Variants in SSC5D observed in about 807,000 individuals in gnomAD.
SSC5D encodes the protein soluble scavenger receptor cysteine-rich domain-containing protein SSC5D.
Under a neutral mutation model 104.6 loss-of-function variants are expected in SSC5D, and 106 were observed. That is an observed-to-expected ratio of 1.01 (90% CI 0.87 to 1.19). SSC5D has a LOEUF of 1.19. Ranked by LOEUF, SSC5D falls within the 50% of genes most tolerant of loss-of-function variation. The pLI is 0.00. For missense variants in SSC5D, 1,993 were observed against 2,153.8 expected, an observed-to-expected ratio of 0.93 and a Z score of 1.48; for synonymous variants, 860 against 883.5, an observed-to-expected ratio of 0.97 and a Z score of 0.47.
At position 55,517,614 on chromosome 19, in the gene SSC5D, C is replaced by T. The variant is rs546208502; in HGVS notation, c.3338C>T (p.Pro1113Leu). 7.1e-6 allele frequency: 11 copies of T among 1,551,756 alleles called. No individual in the cohort carries two copies. The South Asian group carries it at 7.1e-5, about 10-fold the overall frequency. ...CCGTCGGAGGTGACCAGCCTTTCCCCTACCTCAGAGCAGGTCCCAGAATCT... is the reference window on the plus strand; with the variant it reads ...CCGTCGGAGGTGACCAGCCTTTCCCTTACCTCAGAGCAGGTCCCAGAATCT... ...STPSEVTSLS[P>L]TSEQVPESDT... Residue 1113 changes from proline (P) to leucine (L), a missense_variant, in exon 14 of 14, where the codon CCT becomes CTT. Coordinates refer to ENST00000389623, the MANE Select transcript of SSC5D (RefSeq NM_001144950.2).
At position 55,494,677 on chromosome 19, in the gene SSC5D, T is replaced by C; in HGVS notation, c.1281T>C (p.Ala427=). ...TDSNNSTPRE[A]ASRPPSTMTS... ...GCAACAACTCCACGCCCAGGGAGGC[T>C]GCCTCCAGGCCCCCGTCCACCATGA... is the stretch of plus-strand genomic sequence containing the variant. The change falls in exon 8 of 14, where the codon GCT becomes GCC. Residue 427 remains alanine, a synonymous_variant. Coordinates refer to ENST00000389623, the MANE Select transcript of SSC5D (RefSeq NM_001144950.2). 6.5e-7 allele frequency: 1 copy of C among 1,550,120 alleles called. No individual in the cohort carries two copies. Among genetic ancestry groups the C allele is most frequent in the South Asian group, 1.2e-5 (1 of 83,954 alleles).
rs750070216 is a variant in SSC5D at position 55,500,353 on chromosome 19, C to G, written c.2243C>G (p.Ser748Cys). ...LEPSAEIPEG[S>C]PESPKDPAPS... ...CCATCTGCTGAGATCCCAGAAGGGT[C>G]TCCAGAGTCACCCAAAGACCCGGCC... The change falls in exon 10 of 14, where the codon TCT (serine) becomes TGT (cysteine). Residue 748 changes from serine (S) to cysteine (C), a missense_variant. This residue lies in a region of SSC5D where 1,101 missense variants were observed against 1,085.0 expected (regional missense o/e 1.01). Coordinates refer to ENST00000389623, the MANE Select transcript of SSC5D (RefSeq NM_001144950.2). The surrounding 1 kb of genome is among the most constrained non-coding windows in gnomAD (Gnocchi z 4.6). 2 of 1,551,402 alleles carry G rather than the reference C, an allele frequency of 1.3e-6. No individual in the cohort carries two copies. Among genetic ancestry groups the G allele is most frequent in the African/African-American group, 1.4e-5 (1 of 73,042 alleles).
In SSC5D at chr19:55,501,138, C is replaced by T. The variant is rs538441313; in HGVS notation, c.2722C>T (p.Pro908Ser). Residue 908 changes from proline to serine, a missense_variant, in exon 12 of 14, where the codon CCC (proline) becomes TCC (serine). By Grantham distance (74) the Pro-to-Ser change is moderately conservative (BLOSUM62 -1). This residue lies in a region of SSC5D where 423 missense variants were observed against 409.2 expected (regional missense o/e 1.03). Transcript: ENST00000389623. ...AGCGGGGGTACCTGGACACACTCTC[C>T]CCTGGAGGACCACCCGGCGCCCGGG... is the stretch of plus-strand genomic sequence containing the variant. ...TTAGVPGHTL[P>S]WRTTRRPGSS... 2 of 1,550,312 alleles carry T rather than the reference C, an allele frequency of 1.3e-6. No individual in the cohort carries two copies. The highest frequency in any genetic ancestry group is 1.4e-5 in the African/African-American group (1 of 73,056).
Position 55,488,449 on chromosome 19 carries a change from C to A in SSC5D, c.-141C>A, listed in dbSNP as rs1000318490. 1 of 411,460 alleles carries A rather than the reference C, an allele frequency of 2.4e-6. No homozygotes were observed. 25.5% of individuals were successfully genotyped at this position (411,460 alleles called of 1,614,324 possible). A position where few individuals can be genotyped will look rare whatever the true frequency, so the allele number is the denominator to read the frequency against. On this transcript the variant is annotated 5_prime_UTR_variant, in exon 1 of 14. Coordinates refer to ENST00000389623, the MANE Select transcript of SSC5D (RefSeq NM_001144950.2). Reference sequence around the variant, plus strand: ...AGCCTCTTTCTTCCTCCTGGCAAAGCGTCCAGCCCTGCCTGCTCCTCCTCG... The same window carrying A: ...AGCCTCTTTCTTCCTCCTGGCAAAGAGTCCAGCCCTGCCTGCTCCTCCTCG...
chr19:55,496,256 C>T (rs12972429), intron 8 of SSC5D, among the ~76,000 whole-genome samples: 62,366 of 151,828 alleles, frequency 0.41, 13,226 homozygotes, highest in South Asian at 0.56. Flanking sequence ...GGTTTGCACA[C>T]GAAAGGCATG....
intron 12 of SSC5D, among the ~76,000 whole-genome samples, chr19:55,504,829 G>A (rs768421540): frequency 2.6e-5 from 4 of 152,088 alleles, no homozygotes; most frequent in Admixed American, 1.3e-4. Context: ...AAAATGGGGC[G>A]CCAGGGTTGT....
intron 13 of SSC5D, 112 bp from the exon 14 acceptor site, chr19:55,517,112 C>T (rs1568485627): frequency 9.9e-7 from 1 of 1,013,376 alleles, no homozygotes; most frequent in Non-Finnish European, 1.4e-6. Flanking sequence ...CCCATGACGT[C>T]TCGAGGCTCT....
Position 55,499,840 on chromosome 19 carries a change from C to T in SSC5D, c.1730C>T (p.Ser577Leu). The T allele has an allele frequency of 6.4e-7, 1 of 1,551,568 alleles. No individual in the cohort carries two copies. Among genetic ancestry groups the T allele is most frequent in the Non-Finnish European group, 8.7e-7 (1 of 1,146,952 alleles). The change falls in exon 10 of 14, where the codon TCA becomes TTA. Residue 577 changes from serine to leucine, a missense_variant. Physicochemically the swap from Ser to Leu is moderately radical, Grantham distance 145. This residue lies in a region of SSC5D where 1,101 missense variants were observed against 1,085.0 expected (regional missense o/e 1.01). Transcript: ENST00000389623. ...CTGPPGLDSI[S>L]DPFSWSWIPG... The stretch of plus-strand genomic sequence containing the variant: ...GGGCCCCCAGGCCTGGACTCCATCT[C>T]AGACCCCTTCAGCTGGAGCTGGATT...
intron 12 of SSC5D, chr19:55,504,383 G>A: frequency 7.5e-7 from 1 of 1,332,452 alleles, no homozygotes; most frequent in South Asian, 1.9e-5. Flanking sequence ...AGACTTGGAG[G>A]CGTATGCGGG....
intron 4 of SSC5D, 93 bp downstream of exon 4, chr19:55,490,088 G>T (rs1987091642): frequency 1.9e-6 from 1 of 532,958 alleles, no homozygotes; most frequent in Non-Finnish European, 2.7e-6. Context: ...CCCCCACCCA[G>T]CGTGCCCTCC....
In SSC5D at chr19:55,518,467, C is replaced by T. The variant is rs773029543; in HGVS notation, c.4191C>T (p.Ser1397=). The change falls in exon 14 of 14, where the codon TCC becomes TCT. Residue 1397 remains serine (S), a synonymous_variant. Transcript: ENST00000389623. Reference sequence around the variant, plus strand: ...TGGAGTCCAGCCCCTCCAGGTCCTCCACAGCCACAAGCATGGACCCACTGT... The same window carrying T: ...TGGAGTCCAGCCCCTCCAGGTCCTCTACAGCCACAAGCATGGACCCACTGT... ...PALESSPSRS[S]TATSMDPLST... The T allele has an allele frequency of 3.2e-6, 5 of 1,551,378 alleles. No individual in the cohort carries two copies. The South Asian group carries it at 4.8e-5, about 15-fold the overall frequency.
chr19:55,511,521 C>T (rs1326418608), intron 12 of SSC5D, among the ~76,000 whole-genome samples: 1 of 152,100 alleles, frequency 6.6e-6, no homozygotes, highest in African/African-American at 2.4e-5. Flanking sequence ...GTGGTTGTTC[C>T]CAGTGTTTTG....
rs1158032169 is a variant in SSC5D at position 55,503,262 on chromosome 19, C to T, written c.2785+2061C>T. Among the ~76,000 whole-genome samples the T allele has an allele frequency of 6.6e-6, 1 of 152,180 alleles. No individual in the cohort carries two copies. The highest frequency in any genetic ancestry group is 1.5e-5 in the Non-Finnish European group (1 of 68,034). On this transcript the variant is annotated intron_variant, in intron 12 of 13. Coordinates refer to ENST00000389623, the MANE Select transcript of SSC5D (RefSeq NM_001144950.2). The surrounding 1 kb of genome is among the most constrained non-coding windows in gnomAD (Gnocchi z 4.0). ...AAACTGTTTCTGTATCTTCCGTCCT[C>T]TTGTCTTTCACTTTCAGTTCTCAGC...
rs929028957 is a variant in SSC5D at position 55,503,510 on chromosome 19, C to A, written c.2785+2309C>A. Among the ~76,000 whole-genome samples the A allele has an allele frequency of 1.3e-5, 2 of 151,994 alleles. No individual in the cohort carries two copies. Among genetic ancestry groups the A allele is most frequent in the Non-Finnish European group, 2.9e-5 (2 of 68,002 alleles). On this transcript the variant is annotated intron_variant, in intron 12 of 13. Coordinates refer to ENST00000389623, the MANE Select transcript of SSC5D (RefSeq NM_001144950.2). This position sits in a 1 kb window ranked among gnomAD's most constrained non-coding sequence, Gnocchi z 4.0. ...CCCCCTCGTTTCTCTCATGGTCAGC[C>A]CCCTTCCCTCCGTTTCTGTCTCCCG...
At position 55,493,929 on chromosome 19, in the gene SSC5D, G is replaced by T; in HGVS notation, c.1213+17G>T. On this transcript the variant is annotated intron_variant, in intron 7 of 13. Transcript: ENST00000389623. ...TGTGTGACGGTGAGGGGGTTGTGGT[G>T]GAGGACCGGGAGGTGGGCGTGGTGG... is the stretch of plus-strand genomic sequence containing the variant. The T allele has an allele frequency of 6.6e-7, 1 of 1,521,472 alleles. No individual in the cohort carries two copies. 94.2% of individuals were successfully genotyped at this position (1,521,472 alleles called of 1,614,324 possible).
rs144471229 is a variant in SSC5D at position 55,505,404 on chromosome 19, C to G, written c.2785+4203C>G. 4.1e-3 allele frequency among the ~76,000 whole-genome samples: 619 copies of G among 151,918 alleles called. 26 individuals are homozygous for G. Among genetic ancestry groups the G allele is most frequent in the African/African-American group, 0.014 (597 of 41,174 alleles). The stretch of plus-strand genomic sequence containing the variant: ...ATCCATCTCTGCTAGACTTTAAGCT[C>G]TGTGAAAGATCTGTATCTATTTCAA... On this transcript the variant is annotated intron_variant, in intron 12 of 13. Coordinates refer to ENST00000389623, the MANE Select transcript of SSC5D (RefSeq NM_001144950.2).
intron 13 of SSC5D, among the ~76,000 whole-genome samples, chr19:55,513,731 C>T (rs1043079514): frequency 5.3e-5 from 8 of 152,168 alleles, no homozygotes; most frequent in South Asian, 4.2e-4. Flanking sequence ...CGGTAGAGGC[C>T]GGGGTGGTGA....
intron 13 of SSC5D, 131 bp from the exon 14 acceptor site, chr19:55,517,093 T>A (rs911158042): frequency 1.3e-5 from 11 of 836,482 alleles, no homozygotes; most frequent in African/African-American, 5.1e-5. Flanking sequence ...GGGTGAAGTC[T>A]GCCGGTGACC....
At chr19:55,497,558 G>T (rs529254349) in intron 8 of SSC5D, among the ~76,000 whole-genome samples, 25 of 152,230 alleles carry the variant, frequency 1.6e-4, no homozygotes, top group Admixed American at 2.6e-4. Context: ...TTCACATACT[G>T]GTATCTGTGT....
Sources: allele counts gnomAD v4.1 joint callset (sites outside exome capture counted in the v4.1 genomes callset), GRCh38; gene constraint gnomAD v4.1.1; regional missense constraint gnomAD v4.1.1; non-coding constraint Gnocchi (gnomAD v3.1); transcripts MANE v1.5; gene names NCBI Gene and HGNC (gene_info 2026-07-23, HGNC 2026-07-21).